The following LRIG1 variants were observed in gnomAD, a reference collection of about 807,000 sequenced individuals.
LRIG1 encodes leucine rich repeats and immunoglobulin like domains 1.
LRIG1 carries 48 observed loss-of-function variants against 99.2 expected under a neutral mutation model. The observed-to-expected ratio is 0.48, with a 90% CI of 0.38 to 0.62. The LOEUF is 0.62. Ranked by LOEUF, LRIG1 falls within the 20% of genes least tolerant of loss-of-function variation. LRIG1 has a pLI of 0.00. For synonymous variants in LRIG1, 772 were observed against 596.1 expected, an observed-to-expected ratio of 1.29 and a Z score of -4.30; for missense variants, 1,646 against 1,434.4, an observed-to-expected ratio of 1.15 and a Z score of -2.38.
At chr3:66,390,128 G>A (rs764429354) in intron 12 of LRIG1, among the ~76,000 whole-genome samples, 11 of 151,962 alleles carry the variant, frequency 7.2e-5, no homozygotes, top group Non-Finnish European at 1.2e-4. Context: ...AGTGCAACAG[G>A]CTAGAGAAAG....
Position 66,410,255 on chromosome 3 carries a change from C to A in LRIG1, c.809G>T (p.Ser270Ile), listed in dbSNP as rs1294225653. ...KMHVLHLEYN[S>I]LVEVNSGSLY... ...CGAGCCGCTGTTCACTTCTACCAGG[C>A]TGTTGTACTCCAGGTGCCTGCAATG... is the stretch of plus-strand genomic sequence containing the variant. The change falls in exon 7 of 19, where the codon AGC (serine) becomes ATC (isoleucine). Residue 270 changes from serine (S) to isoleucine (I), a missense_variant. Physicochemically the swap from Ser to Ile is moderately radical, Grantham distance 142. Coordinates refer to ENST00000273261, the MANE Select transcript of LRIG1 (RefSeq NM_015541.3). 3.1e-6 allele frequency: 5 copies of A among 1,609,638 alleles called. No individual in the cohort carries two copies. The highest frequency in any genetic ancestry group is 3.4e-6 in the Non-Finnish European group (4 of 1,177,850).
rs539555702 is a variant in LRIG1, at chr3:66,382,378, C to T, written c.2512G>A (p.Asp838Asn). Reference sequence around the variant, plus strand: ...TGAGAAGAGAGGTAGCTTGGAACATCTGGTGGCACGACGGTTTCATCTGCA... The same window carrying T: ...TGAGAAGAGAGGTAGCTTGGAACATTTGGTGGCACGACGGTTTCATCTGCA... ...TNTDETVVPP[D>N]VPSYLSSQGT... The change falls in exon 16 of 19, where the codon GAT becomes AAT. Residue 838 changes from aspartate (D) to asparagine (N), a missense_variant. By Grantham distance (23) the Asp-to-Asn change is conservative. Transcript: ENST00000273261. 2 of 1,614,216 alleles carry T rather than the reference C, an allele frequency of 1.2e-6. No homozygotes were observed. Among genetic ancestry groups the T allele is most frequent in the South Asian group, 2.2e-5 (2 of 91,088 alleles).
At position 66,383,199 on chromosome 3, in the gene LRIG1, C is replaced by T. The variant is rs370069229; in HGVS notation, c.2274G>A (p.Ala758=). ...TGGACATCTCACAGGTATATCGGCC[C>T]GCATCCTCTGCCACCACGTTCTGAA... is the stretch of plus-strand genomic sequence containing the variant. ...LVVQNVVAED[A]GRYTCEMSNT... is the part of the protein sequence containing the mutation. Residue 758 remains alanine (A), a synonymous_variant, in exon 15 of 19, where the codon GCG becomes GCA. Coordinates refer to ENST00000273261, the MANE Select transcript of LRIG1 (RefSeq NM_015541.3). The T allele has an allele frequency of 4.4e-5, 71 of 1,614,090 alleles. No individual in the cohort carries two copies. In the Admixed American group the frequency reaches 5.7e-4, roughly 13 times the overall value.
chr3:66,456,873 A>G (rs1164991752), intron 2 of LRIG1, among the ~76,000 whole-genome samples: 1 of 152,196 alleles, frequency 6.6e-6, no homozygotes, highest in East Asian at 1.9e-4. Flanking sequence ...GGCAGTATCT[A>G]CAGAGGACTG....
chr3:66,430,520 A>G (rs2106741813), intron 3 of LRIG1, among the ~76,000 whole-genome samples: 1 of 152,140 alleles, frequency 6.6e-6, no homozygotes, highest in East Asian at 1.9e-4. Flanking sequence ...GTCCCCATCC[A>G]CACGCCTCCC....
chr3:66,440,162 C>A (rs1446822035), intron 3 of LRIG1, among the ~76,000 whole-genome samples: 1 of 152,164 alleles, frequency 6.6e-6, no homozygotes, highest in Non-Finnish European at 1.5e-5. Flanking sequence ...TGGCTGCACA[C>A]TGAAATGACC....
chr3:66,404,290 C>T (rs1702182011), intron 9 of LRIG1: 2 of 1,289,386 alleles, frequency 1.6e-6, no homozygotes, highest in African/African-American at 1.5e-5. Flanking sequence ...ATTTACTTGA[C>T]ACTCGCACTC....
chr3:66,493,521 G>T (rs543161331), intron 1 of LRIG1, among the ~76,000 whole-genome samples: 2 of 152,292 alleles, frequency 1.3e-5, no homozygotes, highest in African/African-American at 4.8e-5. Flanking sequence ...ATGGGAGAAG[G>T]CCGCTTCATA....
intron 3 of LRIG1, among the ~76,000 whole-genome samples, chr3:66,419,861 G>C (rs567768067): frequency 6.6e-6 from 1 of 152,130 alleles, no homozygotes; most frequent in Non-Finnish European, 1.5e-5. Flanking sequence ...GACAACTAGG[G>C]GCATCAATAA....
intron 3 of LRIG1, among the ~76,000 whole-genome samples, chr3:66,425,650 C>T (rs182277447): frequency 5.9e-5 from 9 of 152,314 alleles, no homozygotes; most frequent in African/African-American, 1.9e-4. Flanking sequence ...AAAGGAACAG[C>T]GCAGCCTTTC....
At position 66,383,933 on chromosome 3, in the gene LRIG1, G is replaced by A. The variant is rs1386368757; in HGVS notation, c.2071+58C>T. On this transcript the variant is annotated intron_variant, in intron 14 of 18. Transcript: ENST00000273261. ...CCCTGGCCACACAGAGCATTTGAGA[G>A]TCTCTCTCTCTCGCTCACACACACA... 1.3e-5 allele frequency: 18 copies of A among 1,425,432 alleles called. 1 individual carries two copies. The highest frequency in any genetic ancestry group is 1.1e-4 in the South Asian group (8 of 73,972). The allele number at this position is 1,425,432 out of a possible 1,614,324, so 88.3% of individuals were successfully genotyped here.
intron 17 of LRIG1, 151 bp from the exon 18 acceptor site, chr3:66,381,012 C>A (rs1350867056): frequency 4.0e-5 from 30 of 741,436 alleles, no homozygotes. Flanking sequence ...AACTATGTCC[C>A]CAGAGAAAGG....
chr3:66,434,909 G>T (rs1703302186), intron 3 of LRIG1, among the ~76,000 whole-genome samples: 1 of 152,008 alleles, frequency 6.6e-6, no homozygotes, highest in Non-Finnish European at 1.5e-5. Context: ...ACTCCCATAT[G>T]ACCTGTCAAT....
intron 12 of LRIG1, among the ~76,000 whole-genome samples, chr3:66,388,746 TA>T (rs912765557): frequency 6.6e-6 from 1 of 152,178 alleles, no homozygotes; most frequent in Non-Finnish European, 1.5e-5. Context: ...TTCTATGTAT[TA>T]AAAAACCTAT....
chr3:66,384,413 G>T, intron 13 of LRIG1, 141 bp from the exon 14 acceptor site: 1 of 874,848 alleles, frequency 1.1e-6, no homozygotes, highest in Non-Finnish European at 1.8e-6. Flanking sequence ...GACCACTCCT[G>T]CCACCTGTGA....
chr3:66,393,074 GGGCACACACATCTTGCCTCCAGCA>G (rs1262427150), intron 12 of LRIG1, among the ~76,000 whole-genome samples: 1 of 152,200 alleles, frequency 6.6e-6, no homozygotes, highest in Non-Finnish European at 1.5e-5. Context: ...TGCATGGAGA[GGGCACACACATCTTGCCTCCAGCA>G]GGCACACTGG....
At position 66,500,357 on chromosome 3, in the gene LRIG1, G is replaced by A. The variant is rs1309296525; in HGVS notation, c.51C>T (p.Cys17=). The A allele has an allele frequency of 2.7e-6, 4 of 1,491,026 alleles. No homozygotes were observed. The highest frequency in any genetic ancestry group is 1.4e-5 in the African/African-American group (1 of 69,552). The allele number at this position is 1,491,026 out of a possible 1,614,324, so 92.4% of individuals were successfully genotyped here. Residue 17 remains cysteine (C), a synonymous_variant, in exon 1 of 19, where the codon TGC becomes TGT. Coordinates refer to ENST00000273261, the MANE Select transcript of LRIG1 (RefSeq NM_015541.3). ...GCAAAAGCAGCCAGAGAAGGAGAAGGCAAGGCGAGCGGCGCGGGGCCCCGA... is the reference window on the plus strand; with the variant it reads ...GCAAAAGCAGCCAGAGAAGGAGAAGACAAGGCGAGCGGCGCGGGGCCCCGA... ...GGLGAPRRSP[C]LLLLWLLLLR...
intron 3 of LRIG1, among the ~76,000 whole-genome samples, chr3:66,436,239 T>C (rs1397067340): frequency 6.6e-6 from 1 of 152,100 alleles, no homozygotes; most frequent in Admixed American, 6.6e-5. Flanking sequence ...GCCCAGAAAG[T>C]GGCAGACGCA....
chr3:66,475,309 T>C (rs1393326443), intron 1 of LRIG1, among the ~76,000 whole-genome samples: 6 of 152,196 alleles, frequency 3.9e-5, no homozygotes, highest in Admixed American at 6.5e-5. Flanking sequence ...GGGTGGAGAA[T>C]GACTTGCGTC....
Sources: allele counts gnomAD v4.1 joint callset (sites outside exome capture counted in the v4.1 genomes callset), GRCh38; gene constraint gnomAD v4.1.1; transcripts MANE v1.5; gene names NCBI Gene and HGNC (gene_info 2026-07-23, HGNC 2026-07-21).